Variants in EPHA6 observed in about 807,000 individuals in gnomAD.
The protein encoded by EPHA6 is EPH receptor A6.
EPHA6 carries 50 observed loss-of-function variants against 112.0 expected under a neutral mutation model. That is an observed-to-expected ratio of 0.45 (90% CI 0.36 to 0.56). The LOEUF (loss-of-function observed/expected upper bound fraction) is 0.56, where lower values mean the gene tolerates loss of function less well. Among genes scored for constraint, EPHA6 ranks in the 20% least tolerant of loss-of-function variants. The probability of loss-of-function intolerance (pLI) is 0.00; values close to 1 mark genes in which losing one functional copy is unlikely to be tolerated. For missense variants in EPHA6, 1,280 were observed against 1,417.4 expected (o/e 0.90, Z 1.56); for synonymous variants, 529 against 490.7 (o/e 1.08, Z -1.03).
At chr3:97,269,672 A>G (rs1412725641) in intron 5 of EPHA6, among the ~76,000 whole-genome samples, 6 of 152,206 alleles carry the variant, frequency 3.9e-5, no homozygotes, top group Non-Finnish European at 2.9e-5. Context: ...GTATGTCCTG[A>G]GCATCAGAAT....
At chr3:97,195,042 T>C (rs1182636540) in intron 3 of EPHA6, among the ~76,000 whole-genome samples, 1 of 152,006 alleles carries the variant, frequency 6.6e-6, no homozygotes, top group African/African-American at 2.4e-5. Context: ...TTATGTCTTT[T>C]GACTGGAAAG....
At chr3:97,594,421 A>G (rs750994499) in intron 12 of EPHA6, among the ~76,000 whole-genome samples, 3 of 152,206 alleles carry the variant, frequency 2.0e-5, no homozygotes, top group Non-Finnish European at 4.4e-5. Flanking sequence ...AGTTTTCATG[A>G]CTTACATACA....
intron 2 of EPHA6, among the ~76,000 whole-genome samples, chr3:96,897,284 C>T (rs1330769575): frequency 6.6e-6 from 1 of 151,596 alleles, no homozygotes; most frequent in Non-Finnish European, 1.5e-5. Flanking sequence ...GTGATCTTGC[C>T]ATGTGTCTAT....
At chr3:96,923,787 C>G (rs1281010487) in intron 2 of EPHA6, among the ~76,000 whole-genome samples, 2 of 152,150 alleles carry the variant, frequency 1.3e-5, no homozygotes, top group Non-Finnish European at 2.9e-5. Flanking sequence ...TTTAATCCAT[C>G]TTGAGTTGAT....
At chr3:97,566,615 A>G (rs918076385) in intron 11 of EPHA6, among the ~76,000 whole-genome samples, 2 of 152,170 alleles carry the variant, frequency 1.3e-5, no homozygotes, top group Non-Finnish European at 1.5e-5. Context: ...GAAATGTTAG[A>G]AACCCAAGTC....
At chr3:97,287,687 T>C (rs993648122) in intron 5 of EPHA6, among the ~76,000 whole-genome samples, 1 of 152,190 alleles carries the variant, frequency 6.6e-6, no homozygotes, top group Non-Finnish European at 1.5e-5. Flanking sequence ...TTGTCCTTCA[T>C]TCTACTGATG....
intron 5 of EPHA6, among the ~76,000 whole-genome samples, chr3:97,373,793 T>C (rs2085199897): frequency 1.3e-5 from 2 of 152,282 alleles, no homozygotes; most frequent in Non-Finnish European, 2.9e-5. Flanking sequence ...TTTAAAGTCC[T>C]GAACTATCTC....
intron 3 of EPHA6, among the ~76,000 whole-genome samples, chr3:97,134,302 G>A (rs2075714707): frequency 6.6e-6 from 1 of 151,822 alleles, no homozygotes; most frequent in African/African-American, 2.4e-5. Flanking sequence ...CTTTAATAAG[G>A]CAAATTAGTA....
intron 13 of EPHA6, among the ~76,000 whole-genome samples, chr3:97,615,562 C>T (rs1282008948): frequency 6.6e-6 from 1 of 152,100 alleles, no homozygotes; most frequent in African/African-American, 2.4e-5. Flanking sequence ...GTTGTACCTA[C>T]CTGGGACAGG....
At chr3:97,205,161 C>T (rs980814221) in intron 3 of EPHA6, among the ~76,000 whole-genome samples, 3 of 152,012 alleles carry the variant, frequency 2.0e-5, no homozygotes, top group Non-Finnish European at 4.4e-5. Context: ...ACAAAGCAAA[C>T]ATAACCTATT....
At chr3:97,077,804 T>C (rs1424283609) in intron 3 of EPHA6, among the ~76,000 whole-genome samples, 1 of 152,094 alleles carries the variant, frequency 6.6e-6, no homozygotes, top group Non-Finnish European at 1.5e-5. Context: ...TGTTGGACAT[T>C]TGGCTTGGTT....
At chr3:96,831,577 T>C (rs969597087) in intron 1 of EPHA6, among the ~76,000 whole-genome samples, 3 of 151,998 alleles carry the variant, frequency 2.0e-5, no homozygotes, top group East Asian at 3.9e-4. Flanking sequence ...TCCTGTATTT[T>C]ATTATTATTA....
At chr3:97,499,654 G>A (rs1324665299) in intron 10 of EPHA6, among the ~76,000 whole-genome samples, 1 of 152,096 alleles carries the variant, frequency 6.6e-6, no homozygotes, top group African/African-American at 2.4e-5. Context: ...AATACCTTAG[G>A]CAATTGTAAC....
At chr3:97,690,740 T>C (rs1438483324) in intron 14 of EPHA6, among the ~76,000 whole-genome samples, 1 of 152,216 alleles carries the variant, frequency 6.6e-6, no homozygotes, top group Non-Finnish European at 1.5e-5. Context: ...AGTGCTGGGA[T>C]TACAGGTGTG....
At chr3:97,214,026 TG>T (rs1390020246) in intron 3 of EPHA6, among the ~76,000 whole-genome samples, 32 of 142,894 alleles carry the variant, frequency 2.2e-4, no homozygotes, top group Admixed American at 2.8e-4. Context: ...TGTGTGTGTG[TG>T]TGTGTGTGTG....
chr3:97,709,128 G>A (rs2033832791), intron 14 of EPHA6, among the ~76,000 whole-genome samples: 1 of 141,454 alleles, frequency 7.1e-6, no homozygotes. Flanking sequence ...ACCCCAGAGT[G>A]TTACATACAC....
At chr3:97,498,698 C>G (rs1202712829) in intron 10 of EPHA6, among the ~76,000 whole-genome samples, 1 of 152,128 alleles carries the variant, frequency 6.6e-6, no homozygotes, top group Non-Finnish European at 1.5e-5. Context: ...GTGGGCTTCA[C>G]CCACCTCCTG....
At chr3:96,998,822 G>A (rs2043521056) in intron 3 of EPHA6, among the ~76,000 whole-genome samples, 1 of 151,778 alleles carries the variant, frequency 6.6e-6, no homozygotes, top group Admixed American at 6.6e-5. Context: ...TATTAAATAT[G>A]TTTGTTGGAA....
At chr3:97,639,319 A>G (rs1401133045) in intron 14 of EPHA6, among the ~76,000 whole-genome samples, 1 of 151,998 alleles carries the variant, frequency 6.6e-6, no homozygotes, top group Non-Finnish European at 1.5e-5. Context: ...AAATTGGAAA[A>G]TATCATAATT....
Sources: gnomAD v4.1 joint callset for allele counts (sites outside exome capture counted in the v4.1 genomes callset) on GRCh38, gnomAD v4.1.1 for gene constraint, MANE v1.5 for transcripts, NCBI Gene and HGNC (gene_info 2026-07-23, HGNC 2026-07-21) for gene names.